GRIN2A: variants seen among roughly 807,000 people sequenced by gnomAD.
The protein encoded by GRIN2A is glutamate ionotropic receptor NMDA type subunit 2A.
In GRIN2A, 22 loss-of-function variants were observed where a neutral mutation model predicts 113.4. That is an observed-to-expected ratio of 0.19 (90% CI 0.14 to 0.28). The LOEUF (loss-of-function observed/expected upper bound fraction) is 0.28, where lower values mean the gene tolerates loss of function less well. Among genes scored for constraint, GRIN2A ranks in the 10% least tolerant of loss-of-function variants. The probability of loss-of-function intolerance (pLI) is 1.00; values close to 1 mark genes in which losing one functional copy is unlikely to be tolerated. For synonymous variants in GRIN2A, 827 were observed against 738.4 expected, an observed-to-expected ratio of 1.12 and a Z score of -1.94; for missense variants, 1,502 against 1,887.0, an observed-to-expected ratio of 0.80 and a Z score of 3.78.
At chr16:10,073,940 T>C (rs59610395) in intron 2 of GRIN2A, among the ~76,000 whole-genome samples, 3,033 of 145,154 alleles carry the variant, frequency 0.021, 123 homozygotes, top group African/African-American at 0.073. Context: ...AAAAACGAAG[T>C]GAAAACACGA....
chr16:9,970,760 C>A, intron 2 of GRIN2A: 1 of 966,448 alleles, frequency 1.0e-6, no homozygotes, highest in Non-Finnish European at 1.2e-6. Context: ...AAATTACAGG[C>A]TGGTAAACTC....
intron 2 of GRIN2A, among the ~76,000 whole-genome samples, chr16:9,983,054 G>A (rs2045919592): frequency 6.6e-6 from 1 of 152,188 alleles, no homozygotes; most frequent in Non-Finnish European, 1.5e-5. Context: ...TATACAATGT[G>A]TAATGATCAA....
chr16:9,832,769 C>T (rs1327080122), intron 8 of GRIN2A, among the ~76,000 whole-genome samples: 1 of 152,170 alleles, frequency 6.6e-6, no homozygotes, highest in Admixed American at 6.5e-5. Flanking sequence ...GGTTAAATTA[C>T]CCTTTAAATG....
intron 3 of GRIN2A, among the ~76,000 whole-genome samples, chr16:9,934,091 A>C (rs954205621): frequency 6.6e-6 from 1 of 152,222 alleles, no homozygotes; most frequent in Non-Finnish European, 1.5e-5. Context: ...ATTATCATTA[A>C]TGTTTTATTG....
intron 3 of GRIN2A, among the ~76,000 whole-genome samples, chr16:9,918,168 T>C (rs968915316): frequency 6.6e-6 from 1 of 152,216 alleles, no homozygotes; most frequent in Non-Finnish European, 1.5e-5. Flanking sequence ...CTCAGATATA[T>C]TTAGTTGCTT....
intron 2 of GRIN2A, among the ~76,000 whole-genome samples, chr16:10,171,976 T>A: frequency 6.6e-6 from 1 of 152,170 alleles, no homozygotes; most frequent in East Asian, 1.9e-4. Context: ...CAAAGTACAA[T>A]ATATTAACCA....
At chr16:9,906,578 T>A (rs2044032327) in intron 3 of GRIN2A, among the ~76,000 whole-genome samples, 2 of 152,178 alleles carry the variant, frequency 1.3e-5, no homozygotes, top group Admixed American at 1.3e-4. Context: ...GATCACTGTC[T>A]TTCTGGATTA....
At chr16:9,892,477 G>A (rs116687304) in intron 3 of GRIN2A, among the ~76,000 whole-genome samples, 1,861 of 152,272 alleles carry the variant, frequency 0.012, 57 homozygotes, top group African/African-American at 0.043. Context: ...ACAAGACCGA[G>A]TGGAGAGATA....
intron 2 of GRIN2A, among the ~76,000 whole-genome samples, chr16:9,946,592 T>C (rs1435103407): frequency 1.3e-5 from 2 of 152,178 alleles, no homozygotes; most frequent in East Asian, 1.9e-4. Context: ...TAATAGTGAA[T>C]TCCCCCTGAG....
At chr16:10,112,917 C>T (rs2048647372) in intron 2 of GRIN2A, 8 of 426,972 alleles carry the variant, frequency 1.9e-5, no homozygotes, top group South Asian at 1.5e-4. Context: ...GTGGAGGGAG[C>T]ATACCCCAGT....
intron 10 of GRIN2A, among the ~76,000 whole-genome samples, chr16:9,803,020 G>GA (rs35821076): frequency 1.1e-4 from 16 of 151,142 alleles, no homozygotes; most frequent in African/African-American, 2.2e-4. Context: ...TTGTTAAAAA[G>GA]AAAAAAAAAT....
chr16:9,853,048 G>C (rs1277987239), intron 4 of GRIN2A, among the ~76,000 whole-genome samples: 1 of 152,192 alleles, frequency 6.6e-6, no homozygotes, highest in South Asian at 2.1e-4. Context: ...GTCTAAGAGA[G>C]CATATAGGAG....
chr16:10,180,222 G>A lies in GRIN2A; in HGVS notation c.190C>T (p.Pro64Ser), dbSNP rs994256744. ...LWGPEQAAGLPLDVNVVALLM... is the reference protein window; with the variant it reads ...LWGPEQAAGLSLDVNVVALLM... ...AGAGCTACCACGTTCACGTCCAGGGGCAGCCCCGCCGCCTGCTCGGGGCCC... is the reference window on the plus strand; with the variant it reads ...AGAGCTACCACGTTCACGTCCAGGGACAGCCCCGCCGCCTGCTCGGGGCCC... Residue 64 changes from proline to serine, a missense_variant, in exon 2 of 13, where the codon CCC becomes TCC. This residue lies in a region of GRIN2A where 149 missense variants were observed against 179.1 expected (regional missense o/e 0.83). Coordinates refer to ENST00000330684, the MANE Select transcript of GRIN2A (RefSeq NM_001134407.3). This position sits in a 1 kb window ranked among gnomAD's most constrained non-coding sequence, Gnocchi z 7.0. 1 of 1,614,106 alleles carries A rather than the reference G, an allele frequency of 6.2e-7. No individual in the cohort carries two copies. The highest frequency in any genetic ancestry group is 1.3e-5 in the African/African-American group (1 of 75,062).
intron 2 of GRIN2A, among the ~76,000 whole-genome samples, chr16:10,008,230 G>A (rs1161607420): frequency 6.6e-6 from 1 of 152,126 alleles, no homozygotes; most frequent in Non-Finnish European, 1.5e-5. Flanking sequence ...CCCCTTATTT[G>A]GATATCCCAT....
At position 10,162,178 on chromosome 16, in the gene GRIN2A, T is replaced by A. The variant is rs529672048; in HGVS notation, c.414+17820A>T. 1.8e-4 allele frequency among the ~76,000 whole-genome samples: 27 copies of A among 152,222 alleles called. 1 individual carries two copies. In the East Asian group the frequency reaches 5.0e-3, roughly 28 times the overall value. The stretch of plus-strand genomic sequence containing the variant: ...AGTCCTAGAAGGGTTTTAGGAAGGA[T>A]TCTAAGACAGGGACTCAGTTCCTCA... On this transcript the variant is annotated intron_variant, in intron 2 of 12. Transcript: ENST00000330684.
At chr16:10,019,448 T>C (rs2046675071) in intron 2 of GRIN2A, among the ~76,000 whole-genome samples, 2 of 152,232 alleles carry the variant, frequency 1.3e-5, no homozygotes, top group South Asian at 2.1e-4. Context: ...AAATGTTTAA[T>C]CTGTAAGCAT....
At position 9,907,046 on chromosome 16, in the gene GRIN2A, C is replaced by T. The variant is rs536530941; in HGVS notation, c.1008-15946G>A. On this transcript the variant is annotated intron_variant, in intron 3 of 12. Coordinates refer to ENST00000330684, the MANE Select transcript of GRIN2A (RefSeq NM_001134407.3). ...CAGGCTGGTCATGAACCCTTGGACT[C>T]GAGCAATCTGCCCACCTTGGCCTCC... Among the ~76,000 whole-genome samples the T allele has an allele frequency of 5.3e-5, 8 of 152,236 alleles. No homozygotes were observed. In the East Asian group the frequency reaches 1.2e-3, roughly 22 times the overall value.
At chr16:9,975,749 A>T (rs2045761917) in intron 2 of GRIN2A, among the ~76,000 whole-genome samples, 1 of 152,234 alleles carries the variant, frequency 6.6e-6, no homozygotes, top group Non-Finnish European at 1.5e-5. Flanking sequence ...CAAAAACAAG[A>T]CCAACTATTC....
intron 2 of GRIN2A, among the ~76,000 whole-genome samples, chr16:10,056,853 A>G (rs1692982282): frequency 1.3e-5 from 2 of 152,200 alleles, no homozygotes; most frequent in African/African-American, 4.8e-5. Context: ...TCTAGCCTCT[A>G]GAACTGTGAT....
Sources: allele counts gnomAD v4.1 joint callset (sites outside exome capture counted in the v4.1 genomes callset), GRCh38; gene constraint gnomAD v4.1.1; regional missense constraint gnomAD v4.1.1; non-coding constraint Gnocchi (gnomAD v3.1); transcripts MANE v1.5; gene names NCBI Gene and HGNC (gene_info 2026-07-23, HGNC 2026-07-21).